Variants in TPH1 observed in about 807,000 individuals in gnomAD.
TPH1 encodes tryptophan hydroxylase 1, also known as tryptophan 5-hydroxylase 1.
TPH1 carries 37 observed loss-of-function variants against 49.5 expected under a neutral mutation model. The ratio of observed to expected loss-of-function variants is 0.75; its 90% CI spans 0.58 to 0.98. The LOEUF (loss-of-function observed/expected upper bound fraction) is 0.98, where lower values mean the gene tolerates loss of function less well. Among genes scored for constraint, TPH1 ranks in the 50% least tolerant of loss-of-function variants. The pLI, the probability that TPH1 is intolerant of heterozygous loss-of-function variation, is 0.00. For missense variants in TPH1, 487 were observed against 523.6 expected (o/e 0.93, Z 0.68); for synonymous variants, 160 against 182.1 (o/e 0.88, Z 0.98).
At chr11:18,027,273 A>T (rs1847939271) in intron 6 of TPH1, among the ~76,000 whole-genome samples, 2 of 151,596 alleles carry the variant, frequency 1.3e-5, no homozygotes, top group African/African-American at 4.9e-5. Flanking sequence ...AACCCTCACA[A>T]CTCTGGTATT....
chr11:18,044,786 A>G (rs1333746602), intron 1 of TPH1, among the ~76,000 whole-genome samples: 3 of 152,002 alleles, frequency 2.0e-5, no homozygotes, highest in African/African-American at 4.8e-5. Context: ...AAAAAAACAC[A>G]ATACTAACCT....
At chr11:18,039,459 C>T (rs967585514) in intron 2 of TPH1, among the ~76,000 whole-genome samples, 1 of 152,172 alleles carries the variant, frequency 6.6e-6, no homozygotes, top group Admixed American at 6.5e-5. Flanking sequence ...AGAGCTTAAC[C>T]ACAGTGGTGT....
In TPH1 at chr11:18,019,991, C is replaced by T; in HGVS notation, c.*1000G>A. On this transcript the variant is annotated 3_prime_UTR_variant, in exon 11 of 11. Coordinates refer to ENST00000682019, the MANE Select transcript of TPH1 (RefSeq NM_004179.3). The stretch of plus-strand genomic sequence containing the variant: ...CATACCTTTCTGTTTATGGCCTCAC[C>T]TTATACCTTAGAAATAAAGTACTCA... 3.5e-6 allele frequency: 1 copy of T among 282,322 alleles called. No individual in the cohort carries two copies. The highest frequency in any genetic ancestry group is 3.5e-5 in the South Asian group (1 of 28,796). 17.5% of individuals were successfully genotyped at this position (282,322 alleles called of 1,614,324 possible). A position where few individuals can be genotyped will look rare whatever the true frequency, so the allele number is the denominator to read the frequency against.
At chr11:18,021,215 T>C in intron 10 of TPH1, 50 bp from the exon 11 acceptor site, 8 of 1,561,938 alleles carry the variant, frequency 5.1e-6, no homozygotes, top group Non-Finnish European at 7.1e-6. Context: ...GAGTGAATGA[T>C]GAAAACTAAA....
Position 18,022,847 on chromosome 11 carries a change from C to A in TPH1, c.1111G>T (p.Asp371Tyr). Residue 371 changes from aspartate (D) to tyrosine (Y), a missense_variant, in exon 10 of 11, where the codon GAT (aspartate) becomes TAT (tyrosine). Asp to Tyr is a radical substitution (Grantham distance 160, BLOSUM62 -3). Coordinates refer to ENST00000682019, the MANE Select transcript of TPH1 (RefSeq NM_004179.3). ...AAACTTTCAGATACAAAGTAGACAT[C>A]TTGAAAAGTTGTGATAAGACATTCC... ...KQECLITTFQ[D>Y]VYFVSESFED... is the part of the protein sequence containing the mutation. The A allele has an allele frequency of 6.2e-7, 1 of 1,613,548 alleles. No individual in the cohort carries two copies. The highest frequency in any genetic ancestry group is 8.5e-7 in the Non-Finnish European group (1 of 1,179,626).
In TPH1 at chr11:18,022,949, A is replaced by C. The variant is rs1447064236; in HGVS notation, c.1027-18T>G. On this transcript the variant is annotated intron_variant, in intron 9 of 10. Transcript: ENST00000682019. The stretch of plus-strand genomic sequence containing the variant: ...AGTGCATGCTAGAAGACAAAGAGTC[A>C]GTGAATCAAAGAATAATATCTATTT... 6.2e-7 allele frequency: 1 copy of C among 1,612,286 alleles called. No individual in the cohort carries two copies. Among genetic ancestry groups the C allele is most frequent in the East Asian group, 2.2e-5 (1 of 44,834 alleles).
intron 9 of TPH1, 66 bp downstream of exon 9, chr11:18,023,822 A>C: frequency 7.5e-7 from 1 of 1,326,194 alleles, no homozygotes; most frequent in Non-Finnish European, 1.1e-6. Flanking sequence ...AAAAGCAAAA[A>C]CTATTTCAGG....
intron 4 of TPH1, among the ~76,000 whole-genome samples, chr11:18,030,422 GAA>G (rs771437794): frequency 7.5e-6 from 1 of 133,194 alleles, no homozygotes; most frequent in Non-Finnish European, 1.6e-5. Context: ...ACTCTATCTT[GAA>G]AAAAAAAAAA....
chr11:18,027,505 A>C (rs1396421310), intron 6 of TPH1, among the ~76,000 whole-genome samples: 2 of 152,240 alleles, frequency 1.3e-5, no homozygotes, highest in Admixed American at 6.5e-5. Context: ...AATTTTAAAC[A>C]ACCAAATGTT....
At chr11:18,028,555 A>G (rs1847952164) in intron 6 of TPH1, among the ~76,000 whole-genome samples, 1 of 152,222 alleles carries the variant, frequency 6.6e-6, no homozygotes, top group African/African-American at 2.4e-5. Flanking sequence ...AAGCTATAAC[A>G]GCCCCTAAAT....
chr11:18,021,008 T>C lies in TPH1; in HGVS notation c.1318A>G (p.Arg440Gly). Residue 440 changes from arginine (R) to glycine (G), a missense_variant, in exon 11 of 11, where the codon AGG becomes GGG. Arg to Gly is a moderately radical substitution (Grantham distance 125). Transcript: ENST00000682019. ...GGCTACTGTTAGATACTCGGCTTCCTGCTGACCTTAGCAAGGGCATCACTG... is the reference window on the plus strand; with the variant it reads ...GGCTACTGTTAGATACTCGGCTTCCCGCTGACCTTAGCAAGGGCATCACTG... ...VVSDALAKVS[R>G]KPSI 6.2e-7 allele frequency: 1 copy of C among 1,614,088 alleles called. No individual in the cohort carries two copies.
intron 3 of TPH1, among the ~76,000 whole-genome samples, chr11:18,033,937 C>T (rs139582761): frequency 1.8e-4 from 28 of 152,258 alleles, no homozygotes; most frequent in Admixed American, 4.6e-4. Flanking sequence ...TGAGAATATC[C>T]GTCACATCCT....
chr11:18,023,371 T>C (rs1001366831), intron 9 of TPH1, among the ~76,000 whole-genome samples: 2 of 152,156 alleles, frequency 1.3e-5, no homozygotes, highest in African/African-American at 4.8e-5. Flanking sequence ...GAATAAATAA[T>C]AAATCTCAAA....
rs1008404992 is a variant in TPH1, at chr11:18,017,718, G to C, written c.*3273C>G. ...ATGGACTCTATCATATGTTCCTTTA[G>C]AGAATTCAGGATTTTTTTCTTTTTT... is the stretch of plus-strand genomic sequence containing the variant. On this transcript the variant is annotated 3_prime_UTR_variant, in exon 11 of 11. Transcript: ENST00000682019. 6.6e-6 allele frequency: 1 copy of C among 152,056 alleles called. No homozygotes were observed. The highest frequency in any genetic ancestry group is 1.5e-5 in the Non-Finnish European group (1 of 68,006). 9.4% of individuals were successfully genotyped at this position (152,056 alleles called of 1,614,324 possible). A position where few individuals can be genotyped will look rare whatever the true frequency, so the allele number is the denominator to read the frequency against.
intron 4 of TPH1, among the ~76,000 whole-genome samples, chr11:18,031,963 G>C (rs559624897): frequency 2.9e-4 from 44 of 152,132 alleles, no homozygotes; most frequent in African/African-American, 9.9e-4. Flanking sequence ...ACATATGTGT[G>C]CTTTAGCTTT....
chr11:18,025,035 T>G (rs1847915183), intron 8 of TPH1, among the ~76,000 whole-genome samples: 1 of 152,242 alleles, frequency 6.6e-6, no homozygotes, highest in Non-Finnish European at 1.5e-5. Flanking sequence ...CTATCTCATT[T>G]GACATAACTG....
intron 4 of TPH1, among the ~76,000 whole-genome samples, 174 bp from the exon 5 acceptor site, chr11:18,029,753 C>T (rs1847966640): frequency 6.6e-6 from 1 of 152,106 alleles, no homozygotes; most frequent in Non-Finnish European, 1.5e-5. Flanking sequence ...GTCAATGTTA[C>T]ATGACAGCTT....
chr11:18,025,622 A>G lies in TPH1; in HGVS notation c.883T>C (p.Leu295=), dbSNP rs1263599817. The G allele has an allele frequency of 6.2e-7, 1 of 1,614,052 alleles. No homozygotes were observed. The highest frequency in any genetic ancestry group is 8.5e-7 in the Non-Finnish European group (1 of 1,179,924). ...SFAQFSQEIG[L]ASLGASEEAV... Reference sequence around the variant, plus strand: ...TCCTCTGAAGCGCCAAGAGAAGCCAAGCCAATTTCTTGGGAGAATTGGGCA... The same window carrying G: ...TCCTCTGAAGCGCCAAGAGAAGCCAGGCCAATTTCTTGGGAGAATTGGGCA... The change falls in exon 8 of 11, where the codon TTG becomes CTG. Residue 295 remains leucine (L), a synonymous_variant. Coordinates refer to ENST00000682019, the MANE Select transcript of TPH1 (RefSeq NM_004179.3).
At chr11:18,034,623 T>C (rs924170734) in intron 3 of TPH1, among the ~76,000 whole-genome samples, 3 of 152,192 alleles carry the variant, frequency 2.0e-5, no homozygotes, top group Non-Finnish European at 2.9e-5. Context: ...TTAATAATTA[T>C]ATAGCTGTAC....
Sources: gnomAD v4.1 joint callset for allele counts (sites outside exome capture counted in the v4.1 genomes callset) on GRCh38, gnomAD v4.1.1 for gene constraint, MANE v1.5 for transcripts, NCBI Gene and HGNC (gene_info 2026-07-23, HGNC 2026-07-21) for gene names.